Variants in CSGALNACT1 observed in about 807,000 individuals in gnomAD.
The protein encoded by CSGALNACT1 is beta4GalNAcT-1.
CSGALNACT1 carries 52 observed loss-of-function variants against 51.0 expected under a neutral mutation model. The ratio of observed to expected loss-of-function variants is 1.02; its 90% confidence interval spans 0.82 to 1.29. The LOEUF (loss-of-function observed/expected upper bound fraction) is 1.29. CSGALNACT1 is among the 50% of genes most tolerant of loss of function. The pLI is 0.00. For synonymous variants in CSGALNACT1, 341 were observed against 254.4 expected, an observed-to-expected ratio of 1.34 and a Z score of -3.24; for missense variants, 935 against 679.2, an observed-to-expected ratio of 1.38 and a Z score of -4.19.
At chr8:19,627,240 C>G (rs1463227273) in intron 1 of CSGALNACT1, among the ~76,000 whole-genome samples, 1 of 152,104 alleles carries the variant, frequency 6.6e-6, no homozygotes, top group African/African-American at 2.4e-5. Context: ...CACTAATACA[C>G]AAACCAGATG....
At chr8:19,509,807 G>C (rs762202415) in intron 3 of CSGALNACT1, among the ~76,000 whole-genome samples, 1 of 152,248 alleles carries the variant, frequency 6.6e-6, no homozygotes, top group African/African-American at 2.4e-5. Context: ...CAGACTTGCA[G>C]ATGGAAAGCA....
In CSGALNACT1 at chr8:19,509,268, T is replaced by G. The variant is rs77180319; in HGVS notation, c.-296-3138A>C. Among the ~76,000 whole-genome samples, 1,105 of 152,262 alleles carry G rather than the reference T, an allele frequency of 7.3e-3. 7 individuals are homozygous for G. Among genetic ancestry groups the G allele is most frequent in the Admixed American group, 0.012 (184 of 15,296 alleles). On this transcript the variant is annotated intron_variant, in intron 3 of 9. Coordinates refer to ENST00000454498, the Ensembl canonical transcript of CSGALNACT1. ...TCAGAAGAGGCTTTTACCCTTCGGA[T>G]TCTTGCTTCTGTGAAGACTTCATGT...
intron 3 of CSGALNACT1, among the ~76,000 whole-genome samples, chr8:19,517,173 C>A (rs1301203901): frequency 6.6e-6 from 1 of 152,188 alleles, no homozygotes; most frequent in Admixed American, 6.5e-5. Context: ...CATGGTGACT[C>A]ACATCTGTAA....
chr8:19,719,011 A>T (rs1054158102), intron 1 of CSGALNACT1, among the ~76,000 whole-genome samples: 12 of 152,144 alleles, frequency 7.9e-5, no homozygotes, highest in Non-Finnish European at 1.3e-4. Flanking sequence ...TCTTGTAGAC[A>T]CTGCGAACTG....
At chr8:19,421,256 A>T (rs1304044045) in intron 6 of CSGALNACT1, among the ~76,000 whole-genome samples, 1 of 152,228 alleles carries the variant, frequency 6.6e-6, no homozygotes, top group Non-Finnish European at 1.5e-5. Flanking sequence ...AGCACTCTGT[A>T]AGCATCAGCT....
At chr8:19,509,228 A>T (rs750536236) in intron 3 of CSGALNACT1, among the ~76,000 whole-genome samples, 1 of 152,186 alleles carries the variant, frequency 6.6e-6, no homozygotes, top group Non-Finnish European at 1.5e-5. Context: ...GGCTGGGAGT[A>T]TCTGCTTCCT....
chr8:19,408,102 C>G (rs73212521), intron 9 of CSGALNACT1, among the ~76,000 whole-genome samples: 5,165 of 152,254 alleles, frequency 0.034, 140 homozygotes, highest in Non-Finnish European at 0.052. Flanking sequence ...GGATGTTCTA[C>G]AGGAGAGGGC....
At chr8:19,608,146 C>A (rs984291486) in intron 1 of CSGALNACT1, among the ~76,000 whole-genome samples, 8 of 152,200 alleles carry the variant, frequency 5.3e-5, no homozygotes, top group African/African-American at 1.4e-4. Context: ...CTGAGTTAGG[C>A]AGGCACAACC....
chr8:19,527,824 C>G (rs765728950), intron 3 of CSGALNACT1, among the ~76,000 whole-genome samples: 1 of 152,000 alleles, frequency 6.6e-6, no homozygotes, highest in Non-Finnish European at 1.5e-5. Flanking sequence ...AGCTCAAGTG[C>G]CTCTGAAGCA....
intron 1 of CSGALNACT1, among the ~76,000 whole-genome samples, chr8:19,654,931 T>A (rs1252177452): frequency 1.3e-5 from 2 of 151,872 alleles, no homozygotes; most frequent in African/African-American, 4.8e-5. Flanking sequence ...AAGAAAGTAT[T>A]CCCCTAGTTC....
chr8:19,549,725 C>T (rs889795463), intron 3 of CSGALNACT1, among the ~76,000 whole-genome samples: 2 of 134,840 alleles, frequency 1.5e-5, no homozygotes, highest in Non-Finnish European at 3.0e-5. Context: ...AGAAAGGGTG[C>T]AGAGGAGGCT....
chr8:19,473,191 A>G (rs1304180907), intron 4 of CSGALNACT1, among the ~76,000 whole-genome samples: 1 of 152,230 alleles, frequency 6.6e-6, no homozygotes, highest in Non-Finnish European at 1.5e-5. Flanking sequence ...GCCTCAGGAT[A>G]TACAAATTAG....
rs2059673139 is a variant in CSGALNACT1, at chr8:19,670,064, A to C, written c.-544+12409T>G. 2.0e-5 allele frequency among the ~76,000 whole-genome samples: 3 copies of C among 152,150 alleles called. No homozygotes were observed. The South Asian group carries it at 6.2e-4, about 31-fold the overall frequency. Reference sequence around the variant, plus strand: ...TACCTACCAAAATTCCTAATTCTGTAGTTCATTGCCATGTCCCCTACTCCC... The same window carrying C: ...TACCTACCAAAATTCCTAATTCTGTCGTTCATTGCCATGTCCCCTACTCCC... On this transcript the variant is annotated intron_variant, in intron 1 of 9. Coordinates refer to the CSGALNACT1 transcript ENST00000332246.
At chr8:19,488,858 A>T (rs2073727011) in intron 4 of CSGALNACT1, among the ~76,000 whole-genome samples, 1 of 152,188 alleles carries the variant, frequency 6.6e-6, no homozygotes, top group Non-Finnish European at 1.5e-5. Flanking sequence ...TGAAGAGAAG[A>T]CAACAGCATC....
At chr8:19,748,696 G>A (rs1373881777) in intron 1 of CSGALNACT1, among the ~76,000 whole-genome samples, 14 of 152,150 alleles carry the variant, frequency 9.2e-5, no homozygotes, top group Non-Finnish European at 1.3e-4. Flanking sequence ...TGAGCGCAGT[G>A]GCTCACATCT....
chr8:19,691,632 A>G (rs1265123258), intron 1 of CSGALNACT1, among the ~76,000 whole-genome samples: 2 of 152,196 alleles, frequency 1.3e-5, no homozygotes, highest in Non-Finnish European at 2.9e-5. Flanking sequence ...CCTAGGGGAC[A>G]TCGACAGCTG....
upstream of CSGALNACT1, among the ~76,000 whole-genome samples, chr8:19,604,314 A>G (rs1161081186): frequency 6.6e-6 from 1 of 152,230 alleles, no homozygotes; most frequent in African/African-American, 2.4e-5. Flanking sequence ...ATAGGAAGAA[A>G]AGAGAAGGAA....
rs144313987 is a variant in CSGALNACT1, at chr8:19,540,380, C to A, written c.-296-34250G>T. Among the ~76,000 whole-genome samples the A allele has an allele frequency of 8.5e-4, 130 of 152,248 alleles. No homozygotes were observed. The East Asian group carries it at 0.022, about 26-fold the overall frequency. ...GGGATTATAAAGTAGGTCTTCTACA[C>A]CCCTCCTCTTGCTCCCTGGATTCGT... On this transcript the variant is annotated intron_variant, in intron 3 of 9. Coordinates refer to ENST00000454498, the Ensembl canonical transcript of CSGALNACT1.
At chr8:19,576,235 G>A (rs1451929899) in intron 3 of CSGALNACT1, among the ~76,000 whole-genome samples, 5 of 152,004 alleles carry the variant, frequency 3.3e-5, no homozygotes, top group East Asian at 1.9e-4. Flanking sequence ...TTGCTCTATC[G>A]CCCAGGCTGG....
Sources: gnomAD v4.1 joint callset for allele counts (sites outside exome capture counted in the v4.1 genomes callset) on GRCh38, gnomAD v4.1.1 for gene constraint, MANE v1.5 for transcripts, NCBI Gene and HGNC (gene_info 2026-07-23, HGNC 2026-07-21) for gene names.